Variants in KYNU observed in about 807,000 individuals in gnomAD.
KYNU encodes L-kynurenine hydrolase.
In KYNU, 54 loss-of-function variants were observed where a neutral mutation model predicts 59.2. That is an observed-to-expected ratio of 0.91 (90% CI 0.73 to 1.14). KYNU has a LOEUF of 1.14. Ranked by LOEUF, KYNU falls within the 50% of genes most tolerant of loss-of-function variation. The pLI is 0.00. For missense variants in KYNU, 567 were observed against 554.4 expected (o/e 1.02, Z -0.23); for synonymous variants, 177 against 192.0 (o/e 0.92, Z 0.65).
chr2:142,973,762 G>T (rs758533254), intron 8 of KYNU, among the ~76,000 whole-genome samples: 3 of 152,170 alleles, frequency 2.0e-5, no homozygotes, highest in East Asian at 1.9e-4. Context: ...CTCATTTTAC[G>T]TCAGGCTCTG....
At chr2:143,030,370 G>A (rs1342892146) in intron 11 of KYNU, among the ~76,000 whole-genome samples, 1 of 152,174 alleles carries the variant, frequency 6.6e-6, no homozygotes, top group African/African-American at 2.4e-5. Flanking sequence ...AATCACATGG[G>A]ATGCAGAAAG....
intron 8 of KYNU, among the ~76,000 whole-genome samples, chr2:142,966,184 T>G (rs543448568): frequency 2.0e-5 from 3 of 152,310 alleles, no homozygotes; most frequent in African/African-American, 7.2e-5. Flanking sequence ...GAACTCTTGA[T>G]GTGTTAGGTA....
intron 4 of KYNU, among the ~76,000 whole-genome samples, chr2:142,930,283 A>G (rs2105021167): frequency 6.6e-6 from 1 of 152,340 alleles, no homozygotes; most frequent in South Asian, 2.1e-4. Context: ...AATTTTTAAA[A>G]AAGAAGATTT....
intron 8 of KYNU, among the ~76,000 whole-genome samples, chr2:142,969,888 A>G (rs1573854232): frequency 6.6e-6 from 1 of 152,216 alleles, no homozygotes; most frequent in East Asian, 1.9e-4. Flanking sequence ...AGCCCAGAGT[A>G]TATTCTTGAA....
At chr2:142,944,518 A>C (rs1683711223) in intron 4 of KYNU, among the ~76,000 whole-genome samples, 1 of 152,224 alleles carries the variant, frequency 6.6e-6, no homozygotes, top group Non-Finnish European at 1.5e-5. Flanking sequence ...TGATAAAGTA[A>C]AGATCCTTTC....
chr2:143,012,490 C>CAAAAAAAA (rs1255670962), intron 10 of KYNU, among the ~76,000 whole-genome samples: 5 of 79,782 alleles, frequency 6.3e-5, no homozygotes, highest in Admixed American at 1.4e-4. Flanking sequence ...CTCCAAAAAA[C>CAAAAAAAA]AAAAAAAAAA....
intron 2 of KYNU, among the ~76,000 whole-genome samples, chr2:142,907,226 T>C (rs1425774445): frequency 2.6e-5 from 4 of 152,220 alleles, no homozygotes; most frequent in Non-Finnish European, 4.4e-5. Context: ...TTTTGTTCTC[T>C]GACCTGGGCT....
chr2:143,036,863 A>G (rs1686906523), intron 12 of KYNU, among the ~76,000 whole-genome samples: 1 of 152,236 alleles, frequency 6.6e-6, no homozygotes, highest in African/African-American at 2.4e-5. Context: ...AAGTAAATGC[A>G]TGAATCAAAC....
intron 4 of KYNU, among the ~76,000 whole-genome samples, chr2:142,945,411 G>C (rs1241404675): frequency 1.3e-5 from 2 of 152,184 alleles, no homozygotes; most frequent in African/African-American, 4.8e-5. Context: ...CCCCTCATCT[G>C]TTGAAGTTTT....
rs1687186383 is a variant in KYNU at position 143,047,597 on chromosome 2, G to C, written c.*5425G>C. ...TCACAGGGTGTCACTCTGTTGCCCA[G>C]GCGGAGTGCAGTGGCACATGATCAT... is the stretch of plus-strand genomic sequence containing the variant. On this transcript the variant is annotated 3_prime_UTR_variant, in exon 14 of 14. Coordinates refer to ENST00000264170, the MANE Select transcript of KYNU (RefSeq NM_003937.3). The C allele has an allele frequency of 6.6e-6, 1 of 151,318 alleles. No homozygotes were observed. The highest frequency in any genetic ancestry group is 2.1e-4 in the South Asian group (1 of 4,794). 9.4% of individuals were successfully genotyped at this position (151,318 alleles called of 1,614,324 possible). A position where few individuals can be genotyped will look rare whatever the true frequency, so the allele number is the denominator to read the frequency against.
Position 143,042,349 on chromosome 2 carries a change from T to C in KYNU, c.*177T>C. 1.6e-6 allele frequency: 1 copy of C among 621,334 alleles called. No individual in the cohort carries two copies. The highest frequency in any genetic ancestry group is 2.7e-6 in the Non-Finnish European group (1 of 371,866). 38.5% of individuals were successfully genotyped at this position (621,334 alleles called of 1,614,324 possible). A position where few individuals can be genotyped will look rare whatever the true frequency, so the allele number is the denominator to read the frequency against. On this transcript the variant is annotated 3_prime_UTR_variant, in exon 14 of 14. Transcript: ENST00000264170. ...TTTCAGAGTCTGTGGCACTAAGGAGTCCACAGGGCTGCCTAGGTGCTTTGT... is the reference window on the plus strand; with the variant it reads ...TTTCAGAGTCTGTGGCACTAAGGAGCCCACAGGGCTGCCTAGGTGCTTTGT...
intron 4 of KYNU, among the ~76,000 whole-genome samples, chr2:142,944,603 T>G (rs1683713569): frequency 6.6e-6 from 1 of 152,088 alleles, no homozygotes; most frequent in Admixed American, 6.6e-5. Context: ...TGTTTCCACA[T>G]TAATTCAAAA....
At chr2:142,935,788 T>C (rs1052106966) in intron 4 of KYNU, among the ~76,000 whole-genome samples, 1 of 152,090 alleles carries the variant, frequency 6.6e-6, no homozygotes, top group African/African-American at 2.4e-5. Context: ...CCGGAAGTGG[T>C]TCCTGCTGAG....
intron 10 of KYNU, among the ~76,000 whole-genome samples, chr2:143,022,756 T>A (rs781057356): frequency 6.6e-6 from 1 of 151,988 alleles, no homozygotes; most frequent in Non-Finnish European, 1.5e-5. Context: ...TCCCAAAAAA[T>A]TATTCAATTA....
chr2:142,885,631 A>T, intron 2 of KYNU, 95 bp downstream of exon 2: 4 of 1,120,318 alleles, frequency 3.6e-6, no homozygotes, highest in Non-Finnish European at 5.2e-6. Flanking sequence ...TTGTTGTATT[A>T]CATAATAGAG....
At chr2:142,938,213 G>C (rs1359716840) in intron 4 of KYNU, among the ~76,000 whole-genome samples, 2 of 152,214 alleles carry the variant, frequency 1.3e-5, no homozygotes, top group Non-Finnish European at 2.9e-5. Context: ...GGTCTGGTCT[G>C]TGGGGTCCTA....
rs895444510 is a variant in KYNU at position 142,877,729 on chromosome 2, C to T, written c.-27C>T. 6.6e-6 allele frequency: 1 copy of T among 152,170 alleles called. No individual in the cohort carries two copies. The highest frequency in any genetic ancestry group is 6.5e-5 in the Admixed American group (1 of 15,278). 9.4% of individuals were successfully genotyped at this position (152,170 alleles called of 1,614,324 possible). ...TGGGAGCCAAACACTCCATTGGGAT[C>T]CTAGCTGGTAAGCTTGAGGCGCTGA... is the stretch of plus-strand genomic sequence containing the variant. On this transcript the variant is annotated 5_prime_UTR_variant, in exon 1 of 14. Coordinates refer to ENST00000264170, the MANE Select transcript of KYNU (RefSeq NM_003937.3).
In KYNU at chr2:143,044,904, C is replaced by T. The variant is rs1687141398; in HGVS notation, c.*2732C>T. ...GTGTTTTAGTCTTAAATTCTTTGCCCATGCCTATGTCCTGAATGGTATTGC... is the reference window on the plus strand; with the variant it reads ...GTGTTTTAGTCTTAAATTCTTTGCCTATGCCTATGTCCTGAATGGTATTGC... On this transcript the variant is annotated 3_prime_UTR_variant, in exon 14 of 14. Transcript: ENST00000264170. 1 of 149,658 alleles carries T rather than the reference C, an allele frequency of 6.7e-6. No homozygotes were observed. Among genetic ancestry groups the T allele is most frequent in the African/African-American group, 2.4e-5 (1 of 40,912 alleles). 9.3% of individuals were successfully genotyped at this position (149,658 alleles called of 1,614,324 possible).
At position 142,947,513 on chromosome 2, in the gene KYNU, T is replaced by A. The variant is rs151291909; in HGVS notation, c.374-7297T>A. 45 of 235,542 alleles carry A rather than the reference T, an allele frequency of 1.9e-4. No homozygotes were observed. The East Asian group carries it at 3.7e-3, about 19-fold the overall frequency. 14.6% of individuals were successfully genotyped at this position (235,542 alleles called of 1,614,324 possible). ...GACATTGCCTTTCTTGCTCATTACC[T>A]TGATCCCTTGAATGGGCCCAAAACT... is the stretch of plus-strand genomic sequence containing the variant. On this transcript the variant is annotated intron_variant, in intron 4 of 13. Coordinates refer to ENST00000264170, the MANE Select transcript of KYNU (RefSeq NM_003937.3).
Sources: allele counts gnomAD v4.1 joint callset (sites outside exome capture counted in the v4.1 genomes callset), GRCh38; gene constraint gnomAD v4.1.1; transcripts MANE v1.5; gene names NCBI Gene and HGNC (gene_info 2026-07-23, HGNC 2026-07-21).